Variants in CHLSN observed in about 807,000 individuals in gnomAD.
The protein encoded by CHLSN is cholesin, also known as protein cholesin.
the CHLSN span, among the ~76,000 whole-genome samples, chr7:1,104,821 T>C: frequency 6.6e-6 from 1 of 152,256 alleles, no homozygotes; most frequent in African/African-American, 2.4e-5. Context: ...TCCATTCTGG[T>C]ACTTTAGACC....
At chr7:988,231 C>T in the CHLSN span, 3 of 1,537,876 alleles carry the variant, frequency 2.0e-6, 1 homozygote, top group South Asian at 3.7e-5. Flanking sequence ...GGCCCCATCC[C>T]ATCTTCCCCG....
chr7:1,087,240 G>A, the CHLSN span: 6,931 of 152,292 alleles, frequency 0.046, 212 homozygotes, highest in East Asian at 0.068. Flanking sequence ...ACATCTGGAC[G>A]GCAGGTAAGT....
the CHLSN span, among the ~76,000 whole-genome samples, chr7:1,051,914 G>A: frequency 2.6e-5 from 4 of 152,214 alleles, no homozygotes; most frequent in Non-Finnish European, 4.4e-5. Flanking sequence ...GGAGGCAGAG[G>A]GTGCAGTTAG....
chr7:1,080,368 G>A, the CHLSN span, among the ~76,000 whole-genome samples: 2 of 152,232 alleles, frequency 1.3e-5, no homozygotes, highest in East Asian at 1.9e-4. Context: ...GAGCAGCCAC[G>A]GCCACCTGGT....
At chr7:1,017,984 A>C in the CHLSN span, among the ~76,000 whole-genome samples, 1 of 152,250 alleles carries the variant, frequency 6.6e-6, no homozygotes, top group Non-Finnish European at 1.5e-5. Context: ...AGGTGACAGA[A>C]GACCTAGTAG....
the CHLSN span, among the ~76,000 whole-genome samples, chr7:990,528 G>A: frequency 1.3e-5 from 2 of 152,016 alleles, no homozygotes; most frequent in African/African-American, 2.4e-5. Context: ...GTGAAGCGGC[G>A]CCCCAAGGCC....
At chr7:1,084,608 T>C in the CHLSN span, among the ~76,000 whole-genome samples, 1 of 152,060 alleles carries the variant, frequency 6.6e-6, no homozygotes, top group Admixed American at 6.5e-5. Context: ...CCGCTCCCCT[T>C]GAAAAGGAGC....
chr7:1,107,625 A>G, the CHLSN span, among the ~76,000 whole-genome samples: 5 of 152,246 alleles, frequency 3.3e-5, no homozygotes, highest in Non-Finnish European at 5.9e-5. Context: ...TCTTTTTGAC[A>G]ATCTTATGAA....
chr7:1,014,564 G>A, the CHLSN span, among the ~76,000 whole-genome samples: 1 of 152,244 alleles, frequency 6.6e-6, no homozygotes, highest in Non-Finnish European at 1.5e-5. Flanking sequence ...CCAACAAAAA[G>A]AACTGGCAAA....
the CHLSN span, among the ~76,000 whole-genome samples, chr7:1,084,273 G>A: frequency 6.6e-6 from 1 of 152,248 alleles, no homozygotes; most frequent in African/African-American, 2.4e-5. Flanking sequence ...ATGTCACGCG[G>A]AGGCGGGGGA....
chr7:1,065,869 G>T, the CHLSN span, among the ~76,000 whole-genome samples: 1 of 152,202 alleles, frequency 6.6e-6, no homozygotes, highest in Admixed American at 6.5e-5. Context: ...AATACTCCGC[G>T]ATCCAAAGGC....
chr7:1,024,173 T>A, the CHLSN span, among the ~76,000 whole-genome samples: 1 of 152,162 alleles, frequency 6.6e-6, no homozygotes, highest in Non-Finnish European at 1.5e-5. Context: ...GGATTATAGG[T>A]GTGAGCCCAC....
chr7:1,102,646 C>T, the CHLSN span, among the ~76,000 whole-genome samples: 585 of 152,100 alleles, frequency 3.8e-3, 5 homozygotes, highest in African/African-American at 0.013. Context: ...AAGGTGCACT[C>T]GGAAGAGAAC....
At chr7:1,006,721 C>T in the CHLSN span, among the ~76,000 whole-genome samples, 1 of 151,432 alleles carries the variant, frequency 6.6e-6, no homozygotes, top group South Asian at 2.1e-4. Context: ...GCATGACGGT[C>T]ACAGCGCAGA....
the CHLSN span, among the ~76,000 whole-genome samples, chr7:1,001,703 G>GA: frequency 7.9e-6 from 1 of 126,316 alleles, no homozygotes; most frequent in Non-Finnish European, 1.7e-5. Flanking sequence ...TCCTGCGGGT[G>GA]GGGAGTCCTG....
chr7:1,123,462 G>A, the CHLSN span, among the ~76,000 whole-genome samples: 1 of 152,272 alleles, frequency 6.6e-6, no homozygotes, highest in Non-Finnish European at 1.5e-5. The surrounding 1 kb of genome is among the most constrained non-coding windows in gnomAD (Gnocchi z 4.4). Context: ...GGTTCATCCA[G>A]GATCCACTGG....
chr7:1,127,509 CAT>C, the CHLSN span: 5 of 972,078 alleles, frequency 5.1e-6, no homozygotes, highest in South Asian at 1.9e-5. Context: ...TTATGGAAAA[CAT>C]ATAAAAGTTA....
At chr7:1,012,772 T>C in the CHLSN span, among the ~76,000 whole-genome samples, 20 of 151,968 alleles carry the variant, frequency 1.3e-4, no homozygotes, top group Non-Finnish European at 2.8e-4. Context: ...GCCAGGGGCC[T>C]TGGGGGTGCC....
the CHLSN span, among the ~76,000 whole-genome samples, chr7:979,819 G>T: frequency 6.6e-6 from 1 of 152,118 alleles, no homozygotes; most frequent in African/African-American, 2.4e-5. Context: ...TCTTCCAGGG[G>T]GCGCGCCCAG....
Sources: gnomAD v4.1 joint callset for allele counts (sites outside exome capture counted in the v4.1 genomes callset) on GRCh38, gnomAD v4.1.1 for gene constraint, Gnocchi (gnomAD v3.1) non-coding constraint, MANE v1.5 for transcripts, NCBI Gene and HGNC (gene_info 2026-07-23, HGNC 2026-07-21) for gene names.